CFAP58: variants seen among roughly 807,000 people sequenced by gnomAD.
The protein encoded by CFAP58 is cilia- and flagella-associated protein 58.
A neutral mutation model predicts 119.5 loss-of-function variants in CFAP58; 88 were observed. The ratio of observed to expected loss-of-function variants is 0.74; its 90% CI spans 0.62 to 0.88. CFAP58 has a LOEUF of 0.88. Ranked by LOEUF, CFAP58 falls within the 40% of genes least tolerant of loss-of-function variation. The pLI is 0.00. For missense variants in CFAP58, 990 were observed against 1,021.2 expected (o/e 0.97, Z 0.42); for synonymous variants, 365 against 366.3 (o/e 1.00, Z 0.04).
intron 15 of CFAP58, among the ~76,000 whole-genome samples, chr10:104,443,644 C>A (rs1401027700): frequency 1.3e-5 from 2 of 152,178 alleles, no homozygotes; most frequent in East Asian, 3.8e-4. Flanking sequence ...ATGTGAACTA[C>A]CTTCTGTTTT....
intron 15 of CFAP58, among the ~76,000 whole-genome samples, chr10:104,441,462 G>C (rs1349648977): frequency 1.3e-5 from 2 of 152,148 alleles, no homozygotes; most frequent in Admixed American, 1.3e-4. Context: ...TTCTTCACAT[G>C]GATTAAATTG....
At chr10:104,447,038 GC>G (rs891896433) in intron 15 of CFAP58, among the ~76,000 whole-genome samples, 14 of 151,414 alleles carry the variant, frequency 9.2e-5, no homozygotes, top group African/African-American at 3.4e-4. Flanking sequence ...TTCAGATGGG[GC>G]CTGGAGTGCA....
the CFAP58 span, among the ~76,000 whole-genome samples, chr10:104,347,991 G>A: frequency 6.6e-6 from 1 of 152,042 alleles, no homozygotes; most frequent in Non-Finnish European, 1.5e-5. Context: ...TTCCAGACCT[G>A]AGCAATGATT....
intron 15 of CFAP58, among the ~76,000 whole-genome samples, chr10:104,410,147 T>C (rs963468452): frequency 2.0e-5 from 3 of 152,170 alleles, no homozygotes; most frequent in Non-Finnish European, 4.4e-5. Flanking sequence ...TAGATTCCCT[T>C]AAAAATTCAC....
intron 15 of CFAP58, among the ~76,000 whole-genome samples, chr10:104,434,312 G>A (rs986147579): frequency 2.6e-5 from 4 of 152,110 alleles, no homozygotes; most frequent in Non-Finnish European, 1.5e-5. Flanking sequence ...AGCTATTTAT[G>A]GTTCTAGAAC....
chr10:104,410,201 A>G (rs2012438119), intron 15 of CFAP58, among the ~76,000 whole-genome samples: 1 of 152,216 alleles, frequency 6.6e-6, no homozygotes, highest in Admixed American at 6.5e-5. Context: ...GTTGATCAAT[A>G]TCTTTCTCCT....
At chr10:104,371,640 G>A (rs1273430373) in intron 7 of CFAP58, among the ~76,000 whole-genome samples, 1 of 152,176 alleles carries the variant, frequency 6.6e-6, no homozygotes, top group Non-Finnish European at 1.5e-5. Flanking sequence ...TTTAGATCCC[G>A]TCTCACCACA....
At chr10:104,409,995 A>G (rs1292042930) in intron 15 of CFAP58, among the ~76,000 whole-genome samples, 1 of 152,174 alleles carries the variant, frequency 6.6e-6, no homozygotes, top group Non-Finnish European at 1.5e-5. Flanking sequence ...CCTGTTTACC[A>G]GTCTTCCCAC....
At chr10:104,373,385 G>A (rs1384309584) in intron 7 of CFAP58, among the ~76,000 whole-genome samples, 1 of 152,134 alleles carries the variant, frequency 6.6e-6, no homozygotes, top group Non-Finnish European at 1.5e-5. Flanking sequence ...TATAATCCCT[G>A]CACTTTGGGA....
At chr10:104,354,429 T>A (rs1187504291) in intron 1 of CFAP58, among the ~76,000 whole-genome samples, 2 of 152,040 alleles carry the variant, frequency 1.3e-5, no homozygotes, top group African/African-American at 4.8e-5. Flanking sequence ...GTTCATTGAC[T>A]CCTGTGTTAA....
At chr10:104,417,101 C>G (rs1448529356) in intron 15 of CFAP58, among the ~76,000 whole-genome samples, 1 of 152,198 alleles carries the variant, frequency 6.6e-6, no homozygotes, top group South Asian at 2.1e-4. Flanking sequence ...ATTCAGATTA[C>G]TGGTTCAGTC....
At chr10:104,372,018 G>A (rs1375502772) in intron 7 of CFAP58, among the ~76,000 whole-genome samples, 1 of 152,124 alleles carries the variant, frequency 6.6e-6, no homozygotes, top group Non-Finnish European at 1.5e-5. Context: ...TCTCTGGATA[G>A]AATTATTAGA....
At chr10:104,382,488 C>T (rs1001411138) in intron 9 of CFAP58, 17 of 340,868 alleles carry the variant, frequency 5.0e-5, no homozygotes, top group Non-Finnish European at 2.7e-5. Flanking sequence ...TGGATATAAA[C>T]CTCTGTCACC....
chr10:104,428,556 C>G (rs1400124558), intron 15 of CFAP58, among the ~76,000 whole-genome samples: 1 of 152,198 alleles, frequency 6.6e-6, no homozygotes, highest in African/African-American at 2.4e-5. Flanking sequence ...GTGATGCGTG[C>G]TCTTCTCGTC....
the CFAP58 span, among the ~76,000 whole-genome samples, chr10:104,344,978 T>C: frequency 6.6e-6 from 1 of 152,034 alleles, no homozygotes; most frequent in Admixed American, 6.5e-5. Flanking sequence ...TCAAACCCTG[T>C]CTCTACTAAA....
intron 5 of CFAP58, 145 bp from the exon 6 acceptor site, chr10:104,368,278 A>G (rs1211440127): frequency 4.4e-6 from 3 of 675,988 alleles, no homozygotes; most frequent in Non-Finnish European, 7.2e-6. Flanking sequence ...TAGTGCTTTC[A>G]TCGGGAATAA....
chr10:104,409,203 G>A (rs1247438573), intron 15 of CFAP58, among the ~76,000 whole-genome samples: 3 of 152,110 alleles, frequency 2.0e-5, no homozygotes, highest in Admixed American at 1.3e-4. Context: ...TCCTTTGACA[G>A]TAAGTCTTAA....
intron 9 of CFAP58, among the ~76,000 whole-genome samples, chr10:104,384,861 T>C (rs367946246): frequency 4.6e-5 from 7 of 151,812 alleles, no homozygotes; most frequent in Admixed American, 2.6e-4. Context: ...GAGGAGTGGG[T>C]GGTGAGCAGG....
At chr10:104,360,504 C>T (rs1244324976) in intron 2 of CFAP58, among the ~76,000 whole-genome samples, 1 of 151,752 alleles carries the variant, frequency 6.6e-6, no homozygotes, top group East Asian at 1.9e-4. Context: ...CTTTTAAGTG[C>T]AGGGGTACAT....
Sources: gnomAD v4.1 joint callset for allele counts (sites outside exome capture counted in the v4.1 genomes callset) on GRCh38, gnomAD v4.1.1 for gene constraint, MANE v1.5 for transcripts, NCBI Gene and HGNC (gene_info 2026-07-23, HGNC 2026-07-21) for gene names.